SEL1L3: variants seen among roughly 807,000 people sequenced by gnomAD.
The protein encoded by SEL1L3 is SEL1L family member 3.
A neutral mutation model predicts 142.8 loss-of-function variants in SEL1L3; 76 were observed. The observed-to-expected ratio is 0.53, with a 90% CI of 0.44 to 0.64. The LOEUF is 0.64. Among genes scored for constraint, SEL1L3 ranks in the 30% least tolerant of loss-of-function variants. The pLI, the probability that SEL1L3 is intolerant of heterozygous loss-of-function variation, is 0.00. For synonymous variants in SEL1L3, 504 were observed against 519.6 expected (o/e 0.97, Z 0.41); for missense variants, 1,262 against 1,381.7 (o/e 0.91, Z 1.37).
intron 1 of SEL1L3, among the ~76,000 whole-genome samples, chr4:25,856,602 A>AC (rs1717278923): frequency 6.6e-6 from 1 of 151,826 alleles, no homozygotes; most frequent in African/African-American, 2.4e-5. Flanking sequence ...TTAAAAAAAA[A>AC]AAAAAAAAAA....
chr4:25,767,210 G>A (rs1235650125), intron 19 of SEL1L3, among the ~76,000 whole-genome samples: 1 of 152,126 alleles, frequency 6.6e-6, no homozygotes, highest in East Asian at 1.9e-4. Flanking sequence ...ACCTGAACCT[G>A]GGAGGTGGAG....
rs911732682 is a variant in SEL1L3, at chr4:25,788,658, C to T, written c.2077-294G>A. Among the ~76,000 whole-genome samples, 11 of 149,656 alleles carry T rather than the reference C, an allele frequency of 7.4e-5. No individual in the cohort carries two copies. The highest frequency in any genetic ancestry group is 2.0e-4 in the African/African-American group (8 of 40,672). On this transcript the variant is annotated intron_variant, in intron 12 of 23. Transcript: ENST00000399878. The surrounding 1 kb of genome is among the most constrained non-coding windows in gnomAD (Gnocchi z 5.3). ...CCAGGACCAGGGCTAGCTGGAACTT[C>T]GTCAATAATCAGAACTCCTCAAATG...
chr4:25,772,296 T>C (rs1414099458), intron 17 of SEL1L3, among the ~76,000 whole-genome samples: 2 of 152,090 alleles, frequency 1.3e-5, no homozygotes, highest in South Asian at 2.1e-4. Flanking sequence ...AGGTTTCAAA[T>C]CCAGACTGAG....
the SEL1L3 span, among the ~76,000 whole-genome samples, chr4:25,728,186 T>C: frequency 6.6e-6 from 1 of 152,288 alleles, no homozygotes; most frequent in Non-Finnish European, 1.5e-5. Context: ...TGGGTTTCCG[T>C]AAGTGATGCT....
chr4:25,817,629 T>C (rs931502232), intron 9 of SEL1L3, among the ~76,000 whole-genome samples: 1 of 152,116 alleles, frequency 6.6e-6, no homozygotes, highest in South Asian at 2.1e-4. Flanking sequence ...AAGCAGGAGA[T>C]GATGAAACAG....
intron 11 of SEL1L3, among the ~76,000 whole-genome samples, chr4:25,801,855 G>T (rs966992517): frequency 6.6e-6 from 1 of 152,150 alleles, no homozygotes; most frequent in Non-Finnish European, 1.5e-5. Context: ...TGTAGACATT[G>T]CTTGCTCATC....
At chr4:25,736,561 A>G in the SEL1L3 span, among the ~76,000 whole-genome samples, 1 of 152,098 alleles carries the variant, frequency 6.6e-6, no homozygotes, top group African/African-American at 2.4e-5. Context: ...GACTTGTTTT[A>G]TGGTTCAAGA....
chr4:25,718,141 T>C, the SEL1L3 span: 1 of 152,320 alleles, frequency 6.6e-6, no homozygotes, highest in South Asian at 2.1e-4. Context: ...TCAAGATGTA[T>C]AAGTATTAAT....
At chr4:25,752,413 T>A (rs1717662365) in intron 23 of SEL1L3, among the ~76,000 whole-genome samples, 2 of 102,748 alleles carry the variant, frequency 1.9e-5, no homozygotes, top group African/African-American at 4.1e-5. Flanking sequence ...TGAGACTCCA[T>A]CTCCGAAAAA....
At chr4:25,773,341 G>C (rs925386027) in intron 17 of SEL1L3, 1 of 152,062 alleles carries the variant, frequency 6.6e-6, no homozygotes, top group East Asian at 1.9e-4. Context: ...GGGACAGCAG[G>C]GGCTTCACTA....
At chr4:25,839,098 T>C (rs563442179) in intron 2 of SEL1L3, among the ~76,000 whole-genome samples, 1 of 152,244 alleles carries the variant, frequency 6.6e-6, no homozygotes, top group Non-Finnish European at 1.5e-5. Flanking sequence ...CCTGGAGAAA[T>C]AAAGCCAGAG....
rs1324818147 is a variant in SEL1L3 at position 25,847,765 on chromosome 4, C to G, written c.262G>C (p.Val88Leu). 10 of 1,613,544 alleles carry G rather than the reference C, an allele frequency of 6.2e-6. No homozygotes were observed. Among genetic ancestry groups the G allele is most frequent in the Admixed American group, 1.7e-5 (1 of 59,982 alleles). The change falls in exon 2 of 24, where the codon GTC becomes CTC. Residue 88 changes from valine to leucine, a missense_variant. This residue lies in a region of SEL1L3 where 689 missense variants were observed against 692.8 expected (regional missense o/e 0.99). Coordinates refer to ENST00000399878, the MANE Select transcript of SEL1L3 (RefSeq NM_015187.5). ...VAYKDFIYFT[V>L]FEGNVRNVSE... is the part of the protein sequence containing the mutation. ...ACGTTGCGAACGTTTCCTTCAAAGA[C>G]AGTAAAATAAATAAAGTCTTTGTAA...
the SEL1L3 span, among the ~76,000 whole-genome samples, chr4:25,736,981 C>CTTTTTCTTT: frequency 9.6e-6 from 1 of 104,086 alleles, no homozygotes; most frequent in African/African-American, 3.2e-5. Context: ...CTTTTTTTTT[C>CTTTTTCTTT]TTTTTCTTTT....
intron 9 of SEL1L3, among the ~76,000 whole-genome samples, chr4:25,812,040 G>A (rs1411133771): frequency 6.6e-6 from 1 of 152,230 alleles, no homozygotes; most frequent in African/African-American, 2.4e-5. Flanking sequence ...TGGCAAGCTT[G>A]TTAAGGCTGG....
At chr4:25,854,827 C>T (rs769032548) in intron 1 of SEL1L3, among the ~76,000 whole-genome samples, 1 of 151,962 alleles carries the variant, frequency 6.6e-6, no homozygotes, top group Non-Finnish European at 1.5e-5. Context: ...TTAAGCTAGG[C>T]AAAGAGATCA....
intron 20 of SEL1L3, among the ~76,000 whole-genome samples, chr4:25,762,112 C>A (rs1718413130): frequency 6.6e-6 from 1 of 152,158 alleles, no homozygotes; most frequent in Non-Finnish European, 1.5e-5. Context: ...CCACGCCCAG[C>A]TAATTTTTGT....
intron 23 of SEL1L3, among the ~76,000 whole-genome samples, chr4:25,749,495 G>A (rs578082166): frequency 3.9e-5 from 6 of 152,316 alleles, no homozygotes; most frequent in African/African-American, 1.4e-4. Context: ...GTCATTATCT[G>A]TGTGAGGACT....
chr4:25,726,544 A>C, the SEL1L3 span, among the ~76,000 whole-genome samples: 54 of 140,046 alleles, frequency 3.9e-4, no homozygotes, highest in African/African-American at 1.4e-3. Flanking sequence ...AAAAAAAAAA[A>C]ACCCAAAAAA....
intron 6 of SEL1L3, among the ~76,000 whole-genome samples, chr4:25,828,136 T>A (rs1355795227): frequency 6.6e-6 from 1 of 152,208 alleles, no homozygotes; most frequent in African/African-American, 2.4e-5. Context: ...TATGTTTCAA[T>A]GCAGCTATTA....
Sources: gnomAD v4.1 joint callset for allele counts (sites outside exome capture counted in the v4.1 genomes callset) on GRCh38, gnomAD v4.1.1 for gene constraint, gnomAD v4.1.1 regional missense constraint, Gnocchi (gnomAD v3.1) non-coding constraint, MANE v1.5 for transcripts, NCBI Gene and HGNC (gene_info 2026-07-23, HGNC 2026-07-21) for gene names.